The following CD300A variants were observed in gnomAD, a reference collection of about 807,000 sequenced individuals.
CD300A encodes CMRF35-like molecule 8.
In CD300A, 22 loss-of-function variants were observed where a neutral mutation model predicts 33.6. The observed-to-expected ratio is 0.66, with a 90% CI of 0.47 to 0.94. CD300A has a LOEUF of 0.94. Among genes scored for constraint, CD300A ranks in the 40% least tolerant of loss-of-function variants. The pLI is 0.00. For missense variants in CD300A, 326 were observed against 360.5 expected, an observed-to-expected ratio of 0.90 and a Z score of 0.77; for synonymous variants, 136 against 148.1, an observed-to-expected ratio of 0.92 and a Z score of 0.59.
intron 6 of CD300A, among the ~76,000 whole-genome samples, chr17:74,483,351 C>G (rs1907040931): frequency 6.8e-6 from 1 of 146,336 alleles, no homozygotes; most frequent in South Asian, 2.2e-4. Flanking sequence ...TTTTTCTTTT[C>G]TTTTCTTTTT....
chr17:74,473,813 T>C lies in CD300A; in HGVS notation c.318T>C (p.Asp106=). ...CAGGCACCTACTGGTGTGGGGTGGA[T>C]ACACCATGGCTCCGAGACTTTCATG... ...EDAGTYWCGV[D]TPWLRDFHDP... is the part of the protein sequence containing the mutation. Residue 106 remains aspartate (D), a synonymous_variant, in exon 2 of 7, where the codon GAT becomes GAC. Coordinates refer to ENST00000360141, the MANE Select transcript of CD300A (RefSeq NM_007261.4). 6.2e-7 allele frequency: 1 copy of C among 1,614,192 alleles called. No individual in the cohort carries two copies. Among genetic ancestry groups the C allele is most frequent in the Non-Finnish European group, 8.5e-7 (1 of 1,180,000 alleles).
intron 3 of CD300A, among the ~76,000 whole-genome samples, chr17:74,475,968 CA>C (rs1906436962): frequency 6.6e-6 from 1 of 152,024 alleles, no homozygotes; most frequent in Non-Finnish European, 1.5e-5. Context: ...GGAGGATTCC[CA>C]AACAGTTTCT....
At chr17:74,474,738 G>C in intron 3 of CD300A, 53 bp downstream of exon 3, 1 of 1,589,750 alleles carries the variant, frequency 6.3e-7, no homozygotes, top group Non-Finnish European at 8.6e-7. Flanking sequence ...AAGAGGAGGA[G>C]CCCAGGGCGG....
chr17:74,481,896 AGGGT>A, intron 6 of CD300A, 63 bp downstream of exon 6: 1 of 1,260,100 alleles, frequency 7.9e-7, no homozygotes, highest in Non-Finnish European at 1.1e-6. Context: ...CACCCCTGGG[AGGGT>A]GGGCAGAAGG....
chr17:74,481,740 T>C lies in CD300A; in HGVS notation c.681T>C (p.Ser227=). Residue 227 remains serine (S), a synonymous_variant, in exon 6 of 7, where the codon AGT becomes AGC. Transcript: ENST00000360141. ...SQNPKQAATQ[S]ELHYANLELL... ...TGCCCACCCAGGCTGCCACGCAGAG[T>C]GAGCTGCACTACGCAAATCTGGAGC... The C allele has an allele frequency of 6.2e-7, 1 of 1,607,628 alleles. No homozygotes were observed. Among genetic ancestry groups the C allele is most frequent in the Non-Finnish European group, 8.5e-7 (1 of 1,176,212 alleles).
chr17:74,483,035 C>T (rs1223444577), intron 6 of CD300A, among the ~76,000 whole-genome samples: 4 of 152,058 alleles, frequency 2.6e-5, no homozygotes, highest in Admixed American at 1.3e-4. Context: ...TTCTGAGCGC[C>T]CCTGCACTCA....
chr17:74,482,751 C>T (rs1198178161), intron 6 of CD300A, among the ~76,000 whole-genome samples: 1 of 139,908 alleles, frequency 7.1e-6, no homozygotes, highest in Non-Finnish European at 1.5e-5. Context: ...CGCTCTATCC[C>T]CCAGGCTGGA....
intron 2 of CD300A, 66 bp downstream of exon 2, chr17:74,473,940 T>A (rs1186171665): frequency 6.5e-7 from 1 of 1,541,980 alleles, no homozygotes; most frequent in East Asian, 2.3e-5. Context: ...AGGAATCAGA[T>A]CAGAGACGTG....
At chr17:74,466,831 C>A in intron 1 of CD300A, 88 bp downstream of exon 1, 1 of 1,547,684 alleles carries the variant, frequency 6.5e-7, no homozygotes, top group Non-Finnish European at 8.7e-7. Flanking sequence ...ACGAGACGCC[C>A]CGAGTCTGGA....
In CD300A at chr17:74,484,250, C is replaced by T; in HGVS notation, c.*124C>T. 1 of 1,081,416 alleles carries T rather than the reference C, an allele frequency of 9.2e-7. No homozygotes were observed. Among genetic ancestry groups the T allele is most frequent in the Non-Finnish European group, 1.3e-6 (1 of 759,250 alleles). The allele number at this position is 1,081,416 out of a possible 1,614,324, so 67.0% of individuals were successfully genotyped here. A position where few individuals can be genotyped will look rare whatever the true frequency, so the allele number is the denominator to read the frequency against. The stretch of plus-strand genomic sequence containing the variant: ...ACAACAGTGACCAACAGACAGGCAG[C>T]TGGGTTTCCCAGGCCATCCCTCTGT... On this transcript the variant is annotated 3_prime_UTR_variant, in exon 7 of 7. Coordinates refer to ENST00000360141, the MANE Select transcript of CD300A (RefSeq NM_007261.4).
rs796559928 is a variant in CD300A, at chr17:74,482,742, G to A, written c.774+909G>A. 6.8e-4 allele frequency among the ~76,000 whole-genome samples: 86 copies of A among 125,704 alleles called. 1 individual carries two copies. Among genetic ancestry groups the A allele is most frequent in the African/African-American group, 3.5e-3 (77 of 21,788 alleles). The allele number at this position is 125,704 out of a possible 152,430, so 82.5% of individuals were successfully genotyped here. A position where few individuals can be genotyped will look rare whatever the true frequency, so the allele number is the denominator to read the frequency against. On this transcript the variant is annotated intron_variant, in intron 6 of 6. Transcript: ENST00000360141. ...TCTTTCTTTCTTTCTTTGGAATCTCGCTCTATCCCCCAGGCTGGAATGCAG... is the reference window on the plus strand; with the variant it reads ...TCTTTCTTTCTTTCTTTGGAATCTCACTCTATCCCCCAGGCTGGAATGCAG...
intron 1 of CD300A, among the ~76,000 whole-genome samples, chr17:74,471,821 T>C (rs561707148): frequency 6.6e-6 from 1 of 151,960 alleles, no homozygotes; most frequent in African/African-American, 2.4e-5. Flanking sequence ...CAGGAGAAGC[T>C]TGCACTGAAG....
intron 1 of CD300A, chr17:74,467,038 A>G: frequency 7.9e-7 from 1 of 1,273,348 alleles, no homozygotes; most frequent in East Asian, 3.6e-5. Context: ...TTGAATTCTT[A>G]CAGGAAGGGG....
At chr17:74,482,668 T>C (rs1195828748) in intron 6 of CD300A, among the ~76,000 whole-genome samples, 1 of 148,960 alleles carries the variant, frequency 6.7e-6, no homozygotes, top group East Asian at 1.9e-4. Flanking sequence ...CCTGGATGGC[T>C]CCTGGCCAAG....
At position 74,474,187 on chromosome 17, in the gene CD300A, G is replaced by T. The variant is rs534070859; in HGVS notation, c.379+313G>T. ...GGGAGGGGTGGGGCTGAACAGAGAG[G>T]CTGGGGGGCCAGATGGGAAGCTGCT... On this transcript the variant is annotated intron_variant, in intron 2 of 6. Coordinates refer to ENST00000360141, the MANE Select transcript of CD300A (RefSeq NM_007261.4). Among the ~76,000 whole-genome samples, 74 of 90,076 alleles carry T rather than the reference G, an allele frequency of 8.2e-4. No individual in the cohort carries two copies. The Middle Eastern group carries it at 0.013, about 15-fold the overall frequency. The allele number at this position is 90,076 out of a possible 152,430, so 59.1% of individuals were successfully genotyped here.
chr17:74,475,786 C>T (rs1344025755), intron 3 of CD300A, among the ~76,000 whole-genome samples: 2 of 152,218 alleles, frequency 1.3e-5, no homozygotes, highest in Admixed American at 6.5e-5. Flanking sequence ...CAGGCCACCA[C>T]ACTTCTGACC....
rs867811895 is a variant in CD300A, at chr17:74,482,682, C to G, written c.774+849C>G. On this transcript the variant is annotated intron_variant, in intron 6 of 6. Transcript: ENST00000360141. Reference sequence around the variant, plus strand: ...TCCTGGATGGCTCCTGGCCAAGTTCCTTCCTTCCTTCCTTCCTTTCTTTCT... The same window carrying G: ...TCCTGGATGGCTCCTGGCCAAGTTCGTTCCTTCCTTCCTTCCTTTCTTTCT... Among the ~76,000 whole-genome samples the G allele has an allele frequency of 3.4e-4, 36 of 106,290 alleles. No individual in the cohort carries two copies. The South Asian group carries it at 5.8e-3, about 17-fold the overall frequency. The allele number at this position is 106,290 out of a possible 152,430, so 69.7% of individuals were successfully genotyped here. A position where few individuals can be genotyped will look rare whatever the true frequency, so the allele number is the denominator to read the frequency against.
At chr17:74,474,000 C>A in intron 2 of CD300A, 126 bp downstream of exon 2, 2 of 1,076,566 alleles carry the variant, frequency 1.9e-6, no homozygotes, top group Admixed American at 2.6e-5. Flanking sequence ...GAGGTGGGGG[C>A]CAGGGGAACA....
At chr17:74,476,382 C>T (rs1315771280) in intron 3 of CD300A, among the ~76,000 whole-genome samples, 1 of 152,222 alleles carries the variant, frequency 6.6e-6, no homozygotes, top group African/African-American at 2.4e-5. Flanking sequence ...CCTCCACAGG[C>T]TTCTGCCAAC....
Sources: gnomAD v4.1 joint callset for allele counts (sites outside exome capture counted in the v4.1 genomes callset) on GRCh38, gnomAD v4.1.1 for gene constraint, MANE v1.5 for transcripts, NCBI Gene and HGNC (gene_info 2026-07-23, HGNC 2026-07-21) for gene names.